Variants in DPYD observed in about 807,000 individuals in gnomAD.
The protein encoded by DPYD is dihydropyrimidine dehydrogenase [NADP(+)].
DPYD carries 109 observed loss-of-function variants against 116.2 expected under a neutral mutation model. That is an observed-to-expected ratio of 0.94 (90% CI 0.80 to 1.10). DPYD has a LOEUF of 1.10. Ranked by LOEUF, DPYD falls within the 50% of genes least tolerant of loss-of-function variation. The pLI is 0.00. For synonymous variants in DPYD, 440 were observed against 432.0 expected, an observed-to-expected ratio of 1.02 and a Z score of -0.23; for missense variants, 1,302 against 1,254.5, an observed-to-expected ratio of 1.04 and a Z score of -0.57.
intron 8 of DPYD, among the ~76,000 whole-genome samples, chr1:97,652,432 T>C (rs1327534161): frequency 1.3e-5 from 2 of 152,224 alleles, no homozygotes; most frequent in African/African-American, 4.8e-5. Flanking sequence ...GTATCATTAC[T>C]GATTATTCAC....
At chr1:97,790,672 T>G (rs1264038167) in intron 3 of DPYD, among the ~76,000 whole-genome samples, 2 of 152,216 alleles carry the variant, frequency 1.3e-5, no homozygotes, top group Admixed American at 1.3e-4. Flanking sequence ...GGATATTATT[T>G]CTTACTCTCT....
chr1:97,881,871 G>A (rs1438058566), intron 2 of DPYD, among the ~76,000 whole-genome samples: 1 of 151,540 alleles, frequency 6.6e-6, no homozygotes. Flanking sequence ...TGGGGTGGGG[G>A]GTGGAGGGAT....
intron 8 of DPYD, among the ~76,000 whole-genome samples, chr1:97,673,940 A>C (rs1660007891): frequency 6.6e-6 from 1 of 152,240 alleles, no homozygotes; most frequent in Admixed American, 6.5e-5. Flanking sequence ...AGAATGGCTG[A>C]ATCACATAAT....
intron 10 of DPYD, chr1:97,586,353 A>C (rs561210908): frequency 6.6e-6 from 1 of 150,920 alleles, no homozygotes; most frequent in African/African-American, 2.4e-5. Context: ...AAAAAAAATT[A>C]ATAGAGTAAT....
intron 14 of DPYD, among the ~76,000 whole-genome samples, chr1:97,391,048 C>CTT (rs571016808): frequency 0.06 from 7,942 of 132,340 alleles, 360 homozygotes; most frequent in East Asian, 0.17. Context: ...TACTTTTCCT[C>CTT]TTTTTTTTTT....
chr1:97,199,569 T>C (rs1659062727), intron 19 of DPYD, among the ~76,000 whole-genome samples: 1 of 152,096 alleles, frequency 6.6e-6, no homozygotes, highest in African/African-American at 2.4e-5. Context: ...ATGTAATACA[T>C]TTTTGGTCAA....
intron 13 of DPYD, among the ~76,000 whole-genome samples, chr1:97,485,965 T>C (rs960248044): frequency 4.6e-5 from 7 of 152,194 alleles, no homozygotes; most frequent in Non-Finnish European, 8.8e-5. Flanking sequence ...TATTGCAATA[T>C]TGACATGGAA....
At chr1:97,302,318 T>A (rs961197500) in intron 18 of DPYD, among the ~76,000 whole-genome samples, 1 of 151,992 alleles carries the variant, frequency 6.6e-6, no homozygotes, top group South Asian at 2.1e-4. Context: ...CCAAACAAGA[T>A]TTCCTTTTAT....
intron 5 of DPYD, among the ~76,000 whole-genome samples, chr1:97,699,845 T>C (rs1417846600): frequency 2.6e-5 from 4 of 151,992 alleles, no homozygotes; most frequent in Admixed American, 2.0e-4. Flanking sequence ...GCATAATCTG[T>C]ATGTCTCTAA....
rs576822408 is a variant in DPYD, at chr1:97,116,743, T to C, written c.2623-18111A>G. ...AAAATGACAAATCATGGATTTACTA[T>C]GGAAATGGGTAGTTTTTCTCACAGG... On this transcript the variant is annotated intron_variant, in intron 20 of 22. Transcript: ENST00000370192. Among the ~76,000 whole-genome samples, 22 of 152,154 alleles carry C rather than the reference T, an allele frequency of 1.4e-4. 1 individual carries two copies. The South Asian group carries it at 4.6e-3, about 32-fold the overall frequency.
chr1:97,562,036 G>C (rs1652187833), intron 11 of DPYD, among the ~76,000 whole-genome samples: 1 of 152,062 alleles, frequency 6.6e-6, no homozygotes, highest in Non-Finnish European at 1.5e-5. Flanking sequence ...CCTGCAGATG[G>C]GGACAATGTA....
chr1:97,694,746 C>T (rs1018992207), intron 6 of DPYD, among the ~76,000 whole-genome samples: 3 of 152,068 alleles, frequency 2.0e-5, no homozygotes, highest in Admixed American at 1.3e-4. Context: ...AATTTAAAAA[C>T]CATTATAAAA....
chr1:97,115,793 T>C (rs1200698713), intron 20 of DPYD, among the ~76,000 whole-genome samples: 1 of 152,162 alleles, frequency 6.6e-6, no homozygotes, highest in Non-Finnish European at 1.5e-5. Flanking sequence ...AAATGTATGC[T>C]GTGGGAGGAT....
In DPYD at chr1:97,390,677, C is replaced by G. The variant is rs567271502; in HGVS notation, c.1906-8216G>C. ...ATTTTTTGGTTTATTTTGGGGCTGA[C>G]AAATGTCTTATTTACACAACTATTT... On this transcript the variant is annotated intron_variant, in intron 14 of 22. Transcript: ENST00000370192. 4.6e-5 allele frequency among the ~76,000 whole-genome samples: 7 copies of G among 151,864 alleles called. No individual in the cohort carries two copies. In the South Asian group the frequency reaches 1.2e-3, roughly 27 times the overall value.
intron 15 of DPYD, among the ~76,000 whole-genome samples, chr1:97,375,377 G>C (rs1265494634): frequency 6.6e-6 from 1 of 152,084 alleles, no homozygotes; most frequent in African/African-American, 2.4e-5. Flanking sequence ...AAGAACTCCA[G>C]CTAGTCATTA....
chr1:97,432,150 A>C (rs1175194737), intron 14 of DPYD, among the ~76,000 whole-genome samples: 3 of 152,112 alleles, frequency 2.0e-5, no homozygotes, highest in Non-Finnish European at 2.9e-5. Context: ...GGCTATTGTG[A>C]ATAGTGCTGC....
intron 14 of DPYD, among the ~76,000 whole-genome samples, chr1:97,397,764 GA>G (rs1261640879): frequency 6.6e-6 from 1 of 151,966 alleles, no homozygotes; most frequent in Admixed American, 6.6e-5. Context: ...TTCACCTACT[GA>G]AGGATATTTT....
intron 18 of DPYD, among the ~76,000 whole-genome samples, chr1:97,288,314 C>G (rs1267702341): frequency 1.3e-5 from 2 of 150,920 alleles, no homozygotes; most frequent in Non-Finnish European, 2.9e-5. Flanking sequence ...AGGAATTCAA[C>G]TCAGCTCTGC....
At chr1:97,327,123 G>A (rs1045168438) in intron 16 of DPYD, among the ~76,000 whole-genome samples, 2 of 152,018 alleles carry the variant, frequency 1.3e-5, no homozygotes, top group African/African-American at 4.8e-5. Flanking sequence ...AGGACCTGAA[G>A]AAGTTCCCAG....
Sources: allele counts gnomAD v4.1 joint callset (sites outside exome capture counted in the v4.1 genomes callset), GRCh38; gene constraint gnomAD v4.1.1; transcripts MANE v1.5; gene names NCBI Gene and HGNC (gene_info 2026-07-23, HGNC 2026-07-21).